SENP1: variants seen among roughly 807,000 people sequenced by gnomAD.
SENP1 encodes the protein SUMO specific peptidase 1.
SENP1 carries 21 observed loss-of-function variants against 93.0 expected under a neutral mutation model. The observed-to-expected ratio is 0.23, with a 90% CI of 0.16 to 0.33. The LOEUF (loss-of-function observed/expected upper bound fraction) is 0.33. Ranked by LOEUF, SENP1 falls within the 10% of genes least tolerant of loss-of-function variation. SENP1 has a pLI of 1.00. For missense variants in SENP1, 591 were observed against 758.7 expected (o/e 0.78, Z 2.60); for synonymous variants, 256 against 259.6 (o/e 0.99, Z 0.13).
chr12:48,095,031 C>T (rs927874320), intron 4 of SENP1, among the ~76,000 whole-genome samples: 10 of 152,094 alleles, frequency 6.6e-5, no homozygotes, highest in Non-Finnish European at 1.5e-4. Flanking sequence ...TTTTTCTATA[C>T]AAATTATGCA....
intron 1 of SENP1, 123 bp downstream of exon 1, chr12:48,105,905 G>A (rs1946527025): frequency 3.2e-6 from 2 of 627,568 alleles, no homozygotes; most frequent in East Asian, 5.5e-5. Context: ...AAAAGGCGCC[G>A]GCCCCACAGT....
chr12:48,090,337 T>C (rs1008631956), intron 4 of SENP1, among the ~76,000 whole-genome samples: 2 of 152,224 alleles, frequency 1.3e-5, no homozygotes, highest in Non-Finnish European at 2.9e-5. Flanking sequence ...CAGATATCTA[T>C]CTGAGGCATC....
chr12:48,048,253 G>A (rs907329374), intron 14 of SENP1, among the ~76,000 whole-genome samples, 173 bp from the exon 15 acceptor site: 3 of 152,130 alleles, frequency 2.0e-5, no homozygotes, highest in Non-Finnish European at 2.9e-5. Flanking sequence ...AAAATGAAGG[G>A]TTATTTACAT....
chr12:48,087,483 A>G (rs1944960722), intron 5 of SENP1, among the ~76,000 whole-genome samples: 4 of 152,252 alleles, frequency 2.6e-5, no homozygotes, highest in African/African-American at 7.2e-5. Context: ...TGAAGACAAA[A>G]TAATATCATA....
intron 6 of SENP1, among the ~76,000 whole-genome samples, chr12:48,077,227 T>C (rs1944157901): frequency 6.6e-6 from 1 of 152,220 alleles, no homozygotes; most frequent in Admixed American, 6.5e-5. Context: ...AATCTGTAGG[T>C]TGTCTCTGCA....
chr12:48,048,974 G>T lies in SENP1; in HGVS notation c.1566C>A (p.Asp522Glu). Reference sequence around the variant, plus strand: ...CCAGGTGAATGGGCACCAAAAGAATGTCAACAGAAAATACATCTACTTTCT... The same window carrying T: ...CCAGGTGAATGGGCACCAAAAGAATTTCAACAGAAAATACATCTACTTTCT... Reference protein sequence around the residue: ...WTKKVDVFSVDILLVPIHLGV... With the variant: ...WTKKVDVFSVEILLVPIHLGV... The change falls in exon 14 of 18, where the codon GAC becomes GAA. Residue 522 changes from aspartate (D) to glutamate (E), a missense_variant. Coordinates refer to ENST00000549518, the MANE Select transcript of SENP1 (RefSeq NM_001267594.2). 6.2e-7 allele frequency: 1 copy of T among 1,613,726 alleles called. No individual in the cohort carries two copies.
chr12:48,087,679 A>T (rs1235842808), intron 5 of SENP1, among the ~76,000 whole-genome samples: 2 of 152,206 alleles, frequency 1.3e-5, no homozygotes, highest in East Asian at 1.9e-4. Context: ...TGAGTGTATG[A>T]GTGAATTACT....
chr12:48,075,000 A>G (rs1335911137), intron 6 of SENP1, among the ~76,000 whole-genome samples: 1 of 152,070 alleles, frequency 6.6e-6, no homozygotes, highest in African/African-American at 2.4e-5. Context: ...TGAGGCTAGA[A>G]GTTCAAAACC....
At chr12:48,049,185 A>C in intron 13 of SENP1, 53 bp from the exon 14 acceptor site, 1 of 1,385,892 alleles carries the variant, frequency 7.2e-7, no homozygotes, top group Non-Finnish European at 1.0e-6. Context: ...TAGCCTTTCA[A>C]AATAGTTGCA....
intron 15 of SENP1, 135 bp from the exon 16 acceptor site, chr12:48,047,197 G>A: frequency 3.5e-6 from 2 of 578,814 alleles, no homozygotes; most frequent in Non-Finnish European, 6.1e-6. Flanking sequence ...ATATAATACT[G>A]GGCAGGGAAT....
Position 48,065,804 on chromosome 12 carries a change from TATC to T in SENP1, c.1035-127_1035-125del, listed in dbSNP as rs1170221371. 7.6e-5 allele frequency: 46 copies of T among 608,130 alleles called. No individual in the cohort carries two copies. In the East Asian group the frequency reaches 1.2e-3, roughly 16 times the overall value. 37.7% of individuals were successfully genotyped at this position (608,130 alleles called of 1,614,324 possible). On this transcript the variant is annotated intron_variant, in intron 10 of 17. Coordinates refer to ENST00000549518, the MANE Select transcript of SENP1 (RefSeq NM_001267594.2). ...AAAGTCTAAAATCCTTACACTAACT[TATC>T]ATCCTTATTTTAAGACATAGAGTGA...
chr12:48,098,167 A>G, intron 2 of SENP1, 43 bp from the exon 3 acceptor site: 2 of 1,581,000 alleles, frequency 1.3e-6, no homozygotes, highest in Non-Finnish European at 1.7e-6. Flanking sequence ...ATAATTCTTC[A>G]ATAACGTTTT....
intron 13 of SENP1, among the ~76,000 whole-genome samples, chr12:48,052,460 T>C (rs1448620826): frequency 6.6e-6 from 1 of 152,184 alleles, no homozygotes; most frequent in African/African-American, 2.4e-5. Flanking sequence ...TTTTTCCAAT[T>C]TTACCTCTCT....
chr12:48,085,081 T>C, intron 5 of SENP1: 2 of 1,350,270 alleles, frequency 1.5e-6, no homozygotes, highest in Middle Eastern at 1.8e-4. Flanking sequence ...AGAAGGAAGC[T>C]CATCGCAGTG....
rs73301173 is a variant in SENP1, at chr12:48,087,694, A to C, written c.380+1107T>G. Among the ~76,000 whole-genome samples the C allele has an allele frequency of 7.2e-3, 1,092 of 152,266 alleles. 19 individuals carry two copies. Among genetic ancestry groups the C allele is most frequent in the African/African-American group, 0.025 (1,039 of 41,556 alleles). On this transcript the variant is annotated intron_variant, in intron 5 of 17. Transcript: ENST00000549518. ...TGAGTGTATGAGTGAATTACTGTAT[A>C]ATTTTTTAAAAGTTAAGTGAGGAAC...
chr12:48,068,856 G>A (rs900672284), intron 9 of SENP1, among the ~76,000 whole-genome samples: 1 of 151,942 alleles, frequency 6.6e-6, no homozygotes, highest in African/African-American at 2.4e-5. Context: ...ATGAGATTTT[G>A]AAAAGCAAAA....
chr12:48,084,043 T>C (rs1419613302), intron 5 of SENP1, among the ~76,000 whole-genome samples: 2 of 152,232 alleles, frequency 1.3e-5, no homozygotes, highest in African/African-American at 2.4e-5. Context: ...AGAAACCATA[T>C]AGTTTTGTGG....
At chr12:48,048,771 T>C (rs1328471742) in intron 14 of SENP1, among the ~76,000 whole-genome samples, 158 bp downstream of exon 14, 1 of 152,192 alleles carries the variant, frequency 6.6e-6, no homozygotes, top group Admixed American at 6.5e-5. Flanking sequence ...CCAATCTTGA[T>C]AGGAAGTTCA....
chr12:48,055,836 TTA>T (rs982889070), intron 13 of SENP1, among the ~76,000 whole-genome samples: 7 of 144,076 alleles, frequency 4.9e-5, no homozygotes, highest in South Asian at 2.1e-4. Flanking sequence ...TTTTATATAT[TTA>T]TATATATTAA....
Sources: allele counts gnomAD v4.1 joint callset (sites outside exome capture counted in the v4.1 genomes callset), GRCh38; gene constraint gnomAD v4.1.1; transcripts MANE v1.5; gene names NCBI Gene and HGNC (gene_info 2026-07-23, HGNC 2026-07-21).